IFIH1: variants seen among roughly 807,000 people sequenced by gnomAD.
IFIH1 encodes the protein interferon induced with helicase C domain 1.
IFIH1 carries 125 observed loss-of-function variants against 107.4 expected under a neutral mutation model. The ratio of observed to expected loss-of-function variants is 1.16; its 90% CI spans 1.01 to 1.35. IFIH1 has a LOEUF of 1.35. Among genes scored for constraint, IFIH1 ranks in the 40% most tolerant of loss-of-function variants. IFIH1 has a pLI of 0.00. For synonymous variants in IFIH1, 458 were observed against 413.2 expected, an observed-to-expected ratio of 1.11 and a Z score of -1.31; for missense variants, 1,333 against 1,213.7, an observed-to-expected ratio of 1.10 and a Z score of -1.46.
rs868546202 is a variant in IFIH1, at chr2:162,278,138, A to C, written c.1765+67T>G. On this transcript the variant is annotated intron_variant, in intron 9 of 15. Coordinates refer to ENST00000649979, the MANE Select transcript of IFIH1 (RefSeq NM_022168.4). ...CTTTCCATTTTTTGGGGAATCTGTG[A>C]TATAGTCATCTAAAATCTTGGTATA... The C allele has an allele frequency of 8.5e-5, 118 of 1,381,308 alleles. 1 individual carries two copies. In the Middle Eastern group the frequency reaches 4.9e-3, roughly 57 times the overall value. The allele number at this position is 1,381,308 out of a possible 1,614,324, so 85.6% of individuals were successfully genotyped here.
chr2:162,314,882 C>A (rs79004237), intron 1 of IFIH1, among the ~76,000 whole-genome samples: 354 of 152,244 alleles, frequency 2.3e-3, no homozygotes, highest in Non-Finnish European at 4.4e-3. Flanking sequence ...TATCTTTTCA[C>A]CACTAGCATG....
intron 2 of IFIH1, chr2:162,307,091 G>C (rs951349420): frequency 6.6e-5 from 26 of 392,576 alleles, no homozygotes; most frequent in Non-Finnish European, 1.2e-4. Context: ...GCCCGCAATA[G>C]AGATTGCTTT....
intron 4 of IFIH1, among the ~76,000 whole-genome samples, chr2:162,289,447 T>G (rs1177186139): frequency 1.3e-5 from 2 of 151,796 alleles, no homozygotes; most frequent in Non-Finnish European, 2.9e-5. Flanking sequence ...TATACCAATT[T>G]AAAAGCCCAT....
intron 1 of IFIH1, among the ~76,000 whole-genome samples, chr2:162,312,237 G>A (rs1437199973): frequency 6.6e-6 from 1 of 152,152 alleles, no homozygotes; most frequent in Non-Finnish European, 1.5e-5. Context: ...TGATTGGGAA[G>A]AGTTATTGTT....
rs1553461355 is a variant in IFIH1, at chr2:162,314,398, C to CTTTCTTT, written c.453+3456_453+3457insAAAGAAA. On this transcript the variant is annotated intron_variant, in intron 1 of 15. Transcript: ENST00000649979. The stretch of plus-strand genomic sequence containing the variant: ...TCCCTCCCTCCCTCCCTCCCTCCCT[C>CTTTCTTT]CTTTCTTTCTTTCTTTCTTTTCTTT... 5.9e-3 allele frequency among the ~76,000 whole-genome samples: 393 copies of CTTTCTTT among 66,994 alleles called. 32 individuals carry two copies. Among genetic ancestry groups the CTTTCTTT allele is most frequent in the South Asian group, 0.017 (30 of 1,754 alleles). 44.0% of individuals were successfully genotyped at this position (66,994 alleles called of 152,430 possible).
Position 162,318,534 on chromosome 2 carries a change from C to A in IFIH1, c.-227G>T. ...CGGGCAGGTGGGCAGCGGGGCGGCG[C>A]GCGGGGCCGCGGCAGGCAGGTGCGG... On this transcript the variant is annotated 5_prime_UTR_variant, in exon 1 of 16. Transcript: ENST00000649979. 1 of 296,596 alleles carries A rather than the reference C, an allele frequency of 3.4e-6. No individual in the cohort carries two copies. The allele number at this position is 296,596 out of a possible 1,614,324, so 18.4% of individuals were successfully genotyped here. A position where few individuals can be genotyped will look rare whatever the true frequency, so the allele number is the denominator to read the frequency against.
At chr2:162,305,852 C>T (rs1285658473) in intron 3 of IFIH1, among the ~76,000 whole-genome samples, 1 of 152,170 alleles carries the variant, frequency 6.6e-6, no homozygotes, top group East Asian at 1.9e-4. Context: ...TGCATCTGTA[C>T]GGTGGGAATG....
chr2:162,318,289 T>A lies in IFIH1; in HGVS notation c.19A>T (p.Thr7Ser), dbSNP rs2105238769. The change falls in exon 1 of 16, where the codon ACA becomes TCA. Residue 7 changes from threonine (T) to serine (S), a missense_variant. Transcript: ENST00000649979. ...ATGAGATAGCGGAAATTCTCGTCTG[T>A]GGAATACCCATTCGACATCTTTCTT... is the stretch of plus-strand genomic sequence containing the variant. The part of the protein sequence containing the change: MSNGYS[T>S]DENFRYLISC... 3 of 1,612,572 alleles carry A rather than the reference T, an allele frequency of 1.9e-6. No individual in the cohort carries two copies. Among genetic ancestry groups the A allele is most frequent in the Non-Finnish European group, 8.5e-7 (1 of 1,178,756 alleles).
chr2:162,276,829 C>T lies in IFIH1; in HGVS notation c.2162G>A (p.Gly721Glu), dbSNP rs1558865610. 1.2e-6 allele frequency: 2 copies of T among 1,613,912 alleles called. No individual in the cohort carries two copies. The highest frequency in any genetic ancestry group is 1.7e-6 in the Non-Finnish European group (2 of 1,179,900). ...QYTRTEESAR[G>E]IIFTKTRQSA... ...CTGTCGTGTTTTTGTAAAGATTATT[C>T]CTCGTGCTGATTCCTCAGTCCTAGT... Residue 721 changes from glycine to glutamate, a missense_variant, in exon 11 of 16, where the codon GGA becomes GAA. Gly to Glu is a moderately conservative substitution (Grantham distance 98). Transcript: ENST00000649979.
chr2:162,312,780 T>C (rs908062346), intron 1 of IFIH1, among the ~76,000 whole-genome samples: 14 of 152,200 alleles, frequency 9.2e-5, no homozygotes, highest in African/African-American at 3.4e-4. Context: ...TTGCTATAGA[T>C]GTAAATAAGA....
chr2:162,318,055 T>C lies in IFIH1; in HGVS notation c.253A>G (p.Arg85Gly). The stretch of plus-strand genomic sequence containing the variant: ...CGGGCGGCCAGAGGGCTGCCGGTTC[T>C]CCGGAGGGCCTCCACGAATTCCCGA... The part of the protein sequence containing the change: ...WTREFVEALR[R>G]TGSPLAARYM... Residue 85 changes from arginine to glycine, a missense_variant, in exon 1 of 16, where the codon AGA becomes GGA. Physicochemically the swap from Arg to Gly is moderately radical, Grantham distance 125. Coordinates refer to ENST00000649979, the MANE Select transcript of IFIH1 (RefSeq NM_022168.4). 6.2e-7 allele frequency: 1 copy of C among 1,614,152 alleles called. No homozygotes were observed. The highest frequency in any genetic ancestry group is 1.1e-5 in the South Asian group (1 of 91,080).
In IFIH1 at chr2:162,317,016, G is replaced by GGGGT. The variant is rs143985267; in HGVS notation, c.453+838_453+839insACCC. Among the ~76,000 whole-genome samples the GGGGT allele has an allele frequency of 3.5e-5, 5 of 144,024 alleles. No individual in the cohort carries two copies. The East Asian group carries it at 1.0e-3, about 29-fold the overall frequency. 94.5% of individuals were successfully genotyped at this position (144,024 alleles called of 152,430 possible). ...GTTGAAACTTTGATTAAAGAAAAAG[G>GGGGT]GTGTGTGTGTGTGTGTGTGTGTGTG... On this transcript the variant is annotated intron_variant, in intron 1 of 15. Coordinates refer to ENST00000649979, the MANE Select transcript of IFIH1 (RefSeq NM_022168.4).
chr2:162,310,643 G>T, intron 2 of IFIH1, 122 bp downstream of exon 2: 1 of 730,224 alleles, frequency 1.4e-6, no homozygotes, highest in Non-Finnish European at 2.3e-6. Context: ...TATCACATAT[G>T]TTCCACTCTT....
At chr2:162,314,785 G>C (rs1683458280) in intron 1 of IFIH1, among the ~76,000 whole-genome samples, 1 of 152,056 alleles carries the variant, frequency 6.6e-6, no homozygotes, top group East Asian at 1.9e-4. Flanking sequence ...ACCATGACTG[G>C]CCTACAGTAG....
At chr2:162,280,355 T>C (rs1176304689) in intron 7 of IFIH1, among the ~76,000 whole-genome samples, 3 of 152,056 alleles carry the variant, frequency 2.0e-5, no homozygotes, top group Non-Finnish European at 4.4e-5. Context: ...AAAAGGAGCT[T>C]CTAAATCAAG....
At chr2:162,290,237 T>C (rs1034632260) in intron 4 of IFIH1, among the ~76,000 whole-genome samples, 4 of 151,900 alleles carry the variant, frequency 2.6e-5, no homozygotes, top group African/African-American at 9.7e-5. Context: ...TTCATAATAG[T>C]TGCAGAATAA....
At chr2:162,284,504 A>C (rs7580040) in intron 5 of IFIH1, among the ~76,000 whole-genome samples, 3,054 of 152,084 alleles carry the variant, frequency 0.02, 107 homozygotes, top group African/African-American at 0.071. Flanking sequence ...ATATTTCACC[A>C]ATCCTTTTAT....
intron 2 of IFIH1, among the ~76,000 whole-genome samples, chr2:162,308,358 C>T (rs1488591175): frequency 6.6e-6 from 1 of 151,946 alleles, no homozygotes; most frequent in African/African-American, 2.4e-5. Context: ...AGATTAAGGC[C>T]CCATTCTTAT....
At chr2:162,268,717 G>A (rs998218776) in intron 13 of IFIH1, among the ~76,000 whole-genome samples, 3 of 152,106 alleles carry the variant, frequency 2.0e-5, no homozygotes, top group African/African-American at 7.2e-5. Flanking sequence ...AGACTCCCAA[G>A]TAGCTGGGAT....
Sources: allele counts gnomAD v4.1 joint callset (sites outside exome capture counted in the v4.1 genomes callset), GRCh38; gene constraint gnomAD v4.1.1; transcripts MANE v1.5; gene names NCBI Gene and HGNC (gene_info 2026-07-23, HGNC 2026-07-21).